SLIT3: variants seen among roughly 807,000 people sequenced by gnomAD.
The protein encoded by SLIT3 is slit homolog 3 protein.
Under a neutral mutation model 184.0 loss-of-function variants are expected in SLIT3, and 68 were observed. The ratio of observed to expected loss-of-function variants is 0.37; its 90% CI spans 0.30 to 0.45. The LOEUF (loss-of-function observed/expected upper bound fraction) is 0.45. SLIT3 is among the 20% of genes least tolerant of loss of function. The pLI is 1.00. For synonymous variants in SLIT3, 831 were observed against 828.6 expected (o/e 1.00, Z -0.05); for missense variants, 1,707 against 2,026.0 (o/e 0.84, Z 3.02).
intron 4 of SLIT3, among the ~76,000 whole-genome samples, chr5:168,947,301 C>T (rs556173273): frequency 2.6e-5 from 4 of 152,326 alleles, no homozygotes; most frequent in Admixed American, 1.3e-4. Context: ...TGCCCATCAC[C>T]TTTCCCTGGC....
intron 3 of SLIT3, among the ~76,000 whole-genome samples, chr5:169,199,616 G>C (rs1763852162): frequency 6.6e-6 from 1 of 152,154 alleles, no homozygotes; most frequent in Admixed American, 6.5e-5. Flanking sequence ...GGAAACGTTT[G>C]GAGGCCAGTG....
chr5:168,820,604 C>G (rs552860294), intron 7 of SLIT3, among the ~76,000 whole-genome samples: 1 of 152,322 alleles, frequency 6.6e-6, no homozygotes, highest in South Asian at 2.1e-4. Context: ...GCCCATGGCC[C>G]TGCCTGGACA....
At chr5:168,734,700 A>C (rs1286248478) in intron 20 of SLIT3, among the ~76,000 whole-genome samples, 1 of 152,188 alleles carries the variant, frequency 6.6e-6, no homozygotes, top group Non-Finnish European at 1.5e-5. Context: ...CTGTCTTTTC[A>C]TCACAGCATT....
chr5:168,783,595 A>T (rs1286236146), intron 12 of SLIT3, among the ~76,000 whole-genome samples: 1 of 152,206 alleles, frequency 6.6e-6, no homozygotes, highest in Non-Finnish European at 1.5e-5. Context: ...AAAAAATGCA[A>T]TCCTCTCACA....
chr5:168,741,715 T>C (rs1352941816), intron 20 of SLIT3, among the ~76,000 whole-genome samples: 1 of 151,712 alleles, frequency 6.6e-6, no homozygotes, highest in Non-Finnish European at 1.5e-5. Context: ...AACCCAGTCT[T>C]AGCCACCCAA....
At chr5:168,888,722 C>T (rs1328984048) in intron 4 of SLIT3, among the ~76,000 whole-genome samples, 2 of 152,164 alleles carry the variant, frequency 1.3e-5, no homozygotes, top group Non-Finnish European at 2.9e-5. Flanking sequence ...AAAAAAAATT[C>T]CATCAACTCT....
chr5:169,245,345 C>G (rs935163790), intron 2 of SLIT3, among the ~76,000 whole-genome samples: 1 of 152,160 alleles, frequency 6.6e-6, no homozygotes, highest in Non-Finnish European at 1.5e-5. Flanking sequence ...GCTTCACTCA[C>G]CCGCCTCAGT....
chr5:168,689,973 ACTGATTTTATTCTTTC>A (rs1561876077), intron 29 of SLIT3, among the ~76,000 whole-genome samples: 1 of 152,166 alleles, frequency 6.6e-6, no homozygotes, highest in African/African-American at 2.4e-5. Flanking sequence ...TGAAAGCTAG[ACTGATTTTATTCTTTC>A]CTATATTGTC....
intron 4 of SLIT3, among the ~76,000 whole-genome samples, chr5:169,109,025 T>C (rs913823396): frequency 9.2e-5 from 14 of 152,182 alleles, no homozygotes; most frequent in African/African-American, 3.1e-4. Context: ...TGAGTGTGGG[T>C]AAGACCTAAG....
chr5:169,008,707 C>T (rs1561604049), intron 4 of SLIT3, among the ~76,000 whole-genome samples: 1 of 152,110 alleles, frequency 6.6e-6, no homozygotes, highest in Non-Finnish European at 1.5e-5. Context: ...CCGTATGTTG[C>T]CCAGGCTGAT....
At chr5:168,793,451 T>A (rs145028230) in intron 10 of SLIT3, among the ~76,000 whole-genome samples, 1 of 152,256 alleles carries the variant, frequency 6.6e-6, no homozygotes, top group East Asian at 1.9e-4. Context: ...GTTCCATTAG[T>A]CGAACATTTT....
At chr5:169,114,407 A>G (rs1291455491) in intron 4 of SLIT3, among the ~76,000 whole-genome samples, 2 of 152,184 alleles carry the variant, frequency 1.3e-5, no homozygotes, top group African/African-American at 4.8e-5. Flanking sequence ...ATTAGAACAT[A>G]AGCAAGCAGC....
At chr5:169,276,603 G>A (rs1391341064) in intron 1 of SLIT3, among the ~76,000 whole-genome samples, 1 of 152,190 alleles carries the variant, frequency 6.6e-6, no homozygotes, top group African/African-American at 2.4e-5. Context: ...GTTACCTCCA[G>A]CTGACTCTAC....
intron 3 of SLIT3, among the ~76,000 whole-genome samples, chr5:169,213,194 A>G (rs1210860997): frequency 1.3e-5 from 2 of 152,220 alleles, no homozygotes; most frequent in African/African-American, 4.8e-5. Context: ...CCAAATCATG[A>G]GTGAACTCCC....
At chr5:168,812,116 C>G (rs943038793) in intron 8 of SLIT3, among the ~76,000 whole-genome samples, 3 of 152,162 alleles carry the variant, frequency 2.0e-5, no homozygotes, top group Non-Finnish European at 4.4e-5. Flanking sequence ...AGACAAAATA[C>G]CACATGATCT....
At chr5:168,709,101 G>GT (rs564920985) in intron 25 of SLIT3, among the ~76,000 whole-genome samples, 9,421 of 126,878 alleles carry the variant, frequency 0.074, 622 homozygotes, top group Admixed American at 0.21. Context: ...TTTTCTGTTT[G>GT]TTTTTTTTTT....
chr5:169,257,353 A>G (rs1561770666), intron 1 of SLIT3, among the ~76,000 whole-genome samples: 1 of 149,014 alleles, frequency 6.7e-6, no homozygotes, highest in African/African-American at 2.5e-5. Context: ...CCTCCTTTGG[A>G]TCCCCACAGC....
At chr5:169,095,740 G>A (rs965386613) in intron 4 of SLIT3, among the ~76,000 whole-genome samples, 17 of 152,108 alleles carry the variant, frequency 1.1e-4, no homozygotes, top group African/African-American at 2.4e-4. Context: ...ACTGTCAAGC[G>A]GCCTCACTGC....
At chr5:168,898,231 T>C (rs1414402820) in intron 4 of SLIT3, among the ~76,000 whole-genome samples, 1 of 152,124 alleles carries the variant, frequency 6.6e-6, no homozygotes, top group Non-Finnish European at 1.5e-5. Flanking sequence ...ATTCTCCTAT[T>C]GATCATAAGA....
Sources: allele counts gnomAD v4.1 joint callset (sites outside exome capture counted in the v4.1 genomes callset), GRCh38; gene constraint gnomAD v4.1.1; transcripts MANE v1.5; gene names NCBI Gene and HGNC (gene_info 2026-07-23, HGNC 2026-07-21).